HPSE2: variants seen among roughly 807,000 people sequenced by gnomAD.
The protein encoded by HPSE2 is heparanase 2 (inactive), also known as inactive heparanase-2.
A neutral mutation model predicts 60.5 loss-of-function variants in HPSE2; 38 were observed. The ratio of observed to expected loss-of-function variants is 0.63; its 90% CI spans 0.48 to 0.82. The LOEUF is 0.82. HPSE2 is among the 40% of genes least tolerant of loss of function. The pLI is 0.00. For missense variants in HPSE2, 713 were observed against 740.4 expected (o/e 0.96, Z 0.43); for synonymous variants, 295 against 293.2 (o/e 1.01, Z -0.06).
chr10:98,744,021 A>G lies in HPSE2; in HGVS notation c.646T>C (p.Cys216Arg). ...GCAAATATCAGGTGGAGTCCAGAGC[A>G]ATCAGCAAAGTTATAAAGTTTGTCT... The part of the protein sequence containing the change: ...SLDKLYNFAD[C>R]SGLHLIFALN... Residue 216 changes from cysteine to arginine, a missense_variant, in exon 4 of 12, where the codon TGC (cysteine) becomes CGC (arginine). By Grantham distance (180) the Cys-to-Arg change is radical (BLOSUM62 -3). Coordinates refer to ENST00000370552, the MANE Select transcript of HPSE2 (RefSeq NM_021828.5). 1 of 1,614,170 alleles carries G rather than the reference A, an allele frequency of 6.2e-7. No homozygotes were observed. Among genetic ancestry groups the G allele is most frequent in the Non-Finnish European group, 8.5e-7 (1 of 1,180,004 alleles).
At chr10:98,796,669 G>A (rs2862446) in intron 3 of HPSE2, among the ~76,000 whole-genome samples, 32,316 of 152,108 alleles carry the variant, frequency 0.21, 3,636 homozygotes, top group African/African-American at 0.26. Context: ...ATTGAGCTTT[G>A]AGTGAACACA....
chr10:98,556,475 C>T (rs143659076), intron 9 of HPSE2, among the ~76,000 whole-genome samples: 121 of 152,258 alleles, frequency 7.9e-4, no homozygotes, highest in African/African-American at 2.4e-3. Flanking sequence ...AATTTTGCAA[C>T]GTCACTGGAT....
chr10:98,717,131 C>T (rs1281207484), intron 5 of HPSE2, among the ~76,000 whole-genome samples: 2 of 152,028 alleles, frequency 1.3e-5, no homozygotes, highest in African/African-American at 2.4e-5. Flanking sequence ...ATAAACAAAC[C>T]TCTGCTAGCT....
At chr10:99,015,488 A>C (rs1432678703) in intron 3 of HPSE2, among the ~76,000 whole-genome samples, 3 of 152,258 alleles carry the variant, frequency 2.0e-5, no homozygotes, top group African/African-American at 7.2e-5. Context: ...CTATGCAGCC[A>C]TAAAAAATAA....
chr10:99,300,314 C>T, the HPSE2 span, among the ~76,000 whole-genome samples: 10 of 152,232 alleles, frequency 6.6e-5, no homozygotes, highest in Non-Finnish European at 1.0e-4. Flanking sequence ...AGGTCCTCTA[C>T]GGCTCCCACT....
At chr10:98,782,895 T>C (rs1392369759) in intron 3 of HPSE2, among the ~76,000 whole-genome samples, 4 of 111,584 alleles carry the variant, frequency 3.6e-5, no homozygotes, top group Non-Finnish European at 7.8e-5. Flanking sequence ...TGAGTGGGTC[T>C]ACTTCCCTGT....
chr10:98,661,725 A>G (rs1372556781), intron 6 of HPSE2, among the ~76,000 whole-genome samples: 2 of 152,186 alleles, frequency 1.3e-5, no homozygotes, highest in African/African-American at 4.8e-5. Context: ...CCTATTACTA[A>G]ACATTAAGTT....
At chr10:98,681,284 C>T (rs1324631297) in intron 6 of HPSE2, among the ~76,000 whole-genome samples, 1 of 151,916 alleles carries the variant, frequency 6.6e-6, no homozygotes, top group African/African-American at 2.4e-5. Flanking sequence ...GTGAACTTGT[C>T]AGCTTTTCAA....
chr10:98,805,661 T>C (rs1305117807), intron 3 of HPSE2, among the ~76,000 whole-genome samples: 1 of 152,120 alleles, frequency 6.6e-6, no homozygotes, highest in Non-Finnish European at 1.5e-5. Context: ...AATAACTGAC[T>C]TTAAATATAA....
chr10:98,707,707 T>A (rs1165800134), intron 5 of HPSE2, among the ~76,000 whole-genome samples: 1 of 152,080 alleles, frequency 6.6e-6, no homozygotes, highest in Non-Finnish European at 1.5e-5. Flanking sequence ...TAGTTTAAAA[T>A]CAGATATAGG....
chr10:98,952,919 A>T (rs1955406131), intron 3 of HPSE2, among the ~76,000 whole-genome samples: 1 of 152,152 alleles, frequency 6.6e-6, no homozygotes, highest in South Asian at 2.1e-4. Flanking sequence ...TATAGTCCAC[A>T]TTGGGAGTTA....
chr10:99,255,012 G>T, the HPSE2 span, among the ~76,000 whole-genome samples: 1 of 152,066 alleles, frequency 6.6e-6, no homozygotes, highest in East Asian at 1.9e-4. Context: ...AAAAATCCAT[G>T]AATATACTAC....
chr10:98,839,799 C>A (rs189756399), intron 3 of HPSE2, among the ~76,000 whole-genome samples: 1 of 151,996 alleles, frequency 6.6e-6, no homozygotes, highest in African/African-American at 2.4e-5. Context: ...AATGGTAAAG[C>A]GTAGGGAAAG....
chr10:98,481,295 C>T (rs1191613514), intron 11 of HPSE2, among the ~76,000 whole-genome samples: 1 of 152,190 alleles, frequency 6.6e-6, no homozygotes, highest in Non-Finnish European at 1.5e-5. Flanking sequence ...GACCTTACCA[C>T]ATGTACAACA....
At chr10:99,057,625 TCAACAAGA>T in intron 3 of HPSE2, among the ~76,000 whole-genome samples, 2 of 152,300 alleles carry the variant, frequency 1.3e-5, no homozygotes, top group Admixed American at 1.3e-4. Flanking sequence ...ACTCAGTTTG[TCAACAAGA>T]CAACAACCAG....
chr10:99,315,337 T>G, the HPSE2 span, among the ~76,000 whole-genome samples: 2 of 152,338 alleles, frequency 1.3e-5, no homozygotes, highest in East Asian at 3.9e-4. Flanking sequence ...TTACTGTGCT[T>G]TGTGATTGTT....
intron 4 of HPSE2, among the ~76,000 whole-genome samples, chr10:98,726,238 A>G (rs1949075447): frequency 6.6e-6 from 1 of 152,178 alleles, no homozygotes; most frequent in Non-Finnish European, 1.5e-5. Flanking sequence ...ACCCACCCAA[A>G]TGTCCAACAA....
chr10:98,941,542 AAGG>A lies in HPSE2; in HGVS notation c.611-197489_611-197487del, dbSNP rs1424826955. ...TACAAGGGTTGTGAAGGACCTCTTC[AAGG>A]AGAACTACAAACCACTGCTCAATGA... On this transcript the variant is annotated intron_variant, in intron 3 of 11. Coordinates refer to ENST00000370552, the MANE Select transcript of HPSE2 (RefSeq NM_021828.5). 1.7e-4 allele frequency among the ~76,000 whole-genome samples: 24 copies of A among 142,902 alleles called. 1 individual carries two copies. In the South Asian group the frequency reaches 5.1e-3, roughly 30 times the overall value. 93.7% of individuals were successfully genotyped at this position (142,902 alleles called of 152,430 possible). A position where few individuals can be genotyped will look rare whatever the true frequency, so the allele number is the denominator to read the frequency against.
intron 9 of HPSE2, among the ~76,000 whole-genome samples, chr10:98,590,123 A>T (rs959963356): frequency 2.0e-5 from 3 of 152,256 alleles, no homozygotes; most frequent in African/African-American, 7.2e-5. Context: ...ATGTTCTAAC[A>T]CCAACCCCCA....
Sources: allele counts gnomAD v4.1 joint callset (sites outside exome capture counted in the v4.1 genomes callset), GRCh38; gene constraint gnomAD v4.1.1; transcripts MANE v1.5; gene names NCBI Gene and HGNC (gene_info 2026-07-23, HGNC 2026-07-21).